LDLRAD2: variants seen among roughly 807,000 people sequenced by gnomAD.
The protein encoded by LDLRAD2 is low-density lipoprotein receptor class A domain-containing protein 2.
In LDLRAD2, 25 loss-of-function variants were observed where a neutral mutation model predicts 24.9. The ratio of observed to expected loss-of-function variants is 1.00; its 90% CI spans 0.73 to 1.40. LDLRAD2 has a LOEUF of 1.40. Among genes scored for constraint, LDLRAD2 ranks in the 40% most tolerant of loss-of-function variants. The pLI is 0.00. For missense variants in LDLRAD2, 391 were observed against 366.2 expected, an observed-to-expected ratio of 1.07 and a Z score of -0.55; for synonymous variants, 182 against 166.7, an observed-to-expected ratio of 1.09 and a Z score of -0.71.
chr1:21,823,987 G>A lies in LDLRAD2; in HGVS notation c.*1772G>A. ...GATGGAAGCCCGAGCCCTGGCTGGTGGGTTCTCCCCTCCCCTGGCTTCAAG... is the reference window on the plus strand; with the variant it reads ...GATGGAAGCCCGAGCCCTGGCTGGTAGGTTCTCCCCTCCCCTGGCTTCAAG... On this transcript the variant is annotated 3_prime_UTR_variant, in exon 5 of 5. Coordinates refer to ENST00000344642, the MANE Select transcript of LDLRAD2 (RefSeq NM_001013693.3). The A allele has an allele frequency of 1.1e-6, 1 of 938,486 alleles. No individual in the cohort carries two copies. Among genetic ancestry groups the A allele is most frequent in the Non-Finnish European group, 1.7e-6 (1 of 598,216 alleles). The allele number at this position is 938,486 out of a possible 1,614,324, so 58.1% of individuals were successfully genotyped here.
intron 3 of LDLRAD2, among the ~76,000 whole-genome samples, chr1:21,817,374 A>G (rs1214679068): frequency 6.6e-6 from 1 of 152,036 alleles, no homozygotes; most frequent in East Asian, 1.9e-4. Flanking sequence ...ATAGGTTCTC[A>G]TTCTGTTATC....
chr1:21,822,169 G>A, intron 4 of LDLRAD2, 33 bp from the exon 5 acceptor site: 1 of 1,614,096 alleles, frequency 6.2e-7, no homozygotes, highest in Non-Finnish European at 8.5e-7. Context: ...TTCACCCCCA[G>A]ATCTCACCTG....
chr1:21,824,808 C>T lies in LDLRAD2; in HGVS notation c.*2593C>T, dbSNP rs781324568. The T allele has an allele frequency of 1.9e-6, 3 of 1,587,998 alleles. No individual in the cohort carries two copies. The highest frequency in any genetic ancestry group is 2.3e-5 in the East Asian group (1 of 44,088). ...TGGGAGAGAGGAGGGTGGTGCCATA[C>T]CTGCTGCATCAGGCATCAAAATCCC... On this transcript the variant is annotated 3_prime_UTR_variant, in exon 5 of 5. Transcript: ENST00000344642. The surrounding 1 kb of genome is among the most constrained non-coding windows in gnomAD (Gnocchi z 5.9).
Position 21,823,841 on chromosome 1 carries a change from G to T in LDLRAD2, c.*1626G>T. The T allele has an allele frequency of 1.2e-6, 1 of 822,942 alleles. No individual in the cohort carries two copies. The highest frequency in any genetic ancestry group is 2.0e-6 in the Non-Finnish European group (1 of 492,800). 51.0% of individuals were successfully genotyped at this position (822,942 alleles called of 1,614,324 possible). On this transcript the variant is annotated 3_prime_UTR_variant, in exon 5 of 5. Coordinates refer to ENST00000344642, the MANE Select transcript of LDLRAD2 (RefSeq NM_001013693.3). ...TCAGAAGTCTGTCCCTGTTTCCCAA[G>T]CTCTTTCTTTCCCCCGCTGAACGAG...
Position 21,824,326 on chromosome 1 carries a change from T to C in LDLRAD2, c.*2111T>C. ...CCTACCTGAAGACAAGGTGCCCGTC[T>C]TGAAGCCCGAGGCTGATGAAGTCCT... On this transcript the variant is annotated 3_prime_UTR_variant, in exon 5 of 5. Coordinates refer to ENST00000344642, the MANE Select transcript of LDLRAD2 (RefSeq NM_001013693.3). This position sits in a 1 kb window ranked among gnomAD's most constrained non-coding sequence, Gnocchi z 5.9. The C allele has an allele frequency of 6.2e-7, 1 of 1,613,944 alleles. No homozygotes were observed. Among genetic ancestry groups the C allele is most frequent in the Non-Finnish European group, 8.5e-7 (1 of 1,180,024 alleles).
At position 21,821,491 on chromosome 1, in the gene LDLRAD2, C is replaced by T; in HGVS notation, c.685C>T (p.His229Tyr). 6.2e-7 allele frequency: 1 copy of T among 1,614,150 alleles called. No individual in the cohort carries two copies. The highest frequency in any genetic ancestry group is 8.5e-7 in the Non-Finnish European group (1 of 1,179,998). The stretch of plus-strand genomic sequence containing the variant: ...CAGCCAGACAGGAAGTACAGATGCC[C>T]ATACCTCCAGATCCCTGACTCCCTC... Reference protein sequence around the residue: ...VPSQTGSTDAHTSRSLTPSPA... With the variant: ...VPSQTGSTDAYTSRSLTPSPA... Residue 229 changes from histidine (H) to tyrosine (Y), a missense_variant, in exon 4 of 5, where the codon CAT (histidine) becomes TAT (tyrosine). Transcript: ENST00000344642.
rs761215447 is a variant in LDLRAD2, at chr1:21,816,022, C to A, written c.591C>A (p.Asp197Glu). The change falls in exon 3 of 5, where the codon GAC becomes GAA. Residue 197 changes from aspartate (D) to glutamate (E), a missense_variant. Asp to Glu is a conservative substitution (Grantham distance 45, BLOSUM62 2). Coordinates refer to ENST00000344642, the MANE Select transcript of LDLRAD2 (RefSeq NM_001013693.3). ...TCGTGTGTGACCCCTGGGGCATGGA[C>A]AACTGTGGCGATGGCAGTGACCAGG... Reference protein sequence around the residue: ...SSLVCDPWGMDNCGDGSDQGS... With the variant: ...SSLVCDPWGMENCGDGSDQGS... 2 of 1,613,842 alleles carry A rather than the reference C, an allele frequency of 1.2e-6. No homozygotes were observed. Among genetic ancestry groups the A allele is most frequent in the Admixed American group, 1.7e-5 (1 of 60,030 alleles).
At chr1:21,814,861 A>C in intron 2 of LDLRAD2, 38 bp downstream of exon 2, 1 of 1,451,138 alleles carries the variant, frequency 6.9e-7, no homozygotes, top group South Asian at 1.5e-5. Context: ...GACCCTCTGC[A>C]GAGGCCATGC....
chr1:21,812,585 A>G, intron 1 of LDLRAD2, 49 bp downstream of exon 1: 1 of 1,475,268 alleles, frequency 6.8e-7, no homozygotes, highest in Non-Finnish European at 9.5e-7. Flanking sequence ...TTGGGCCCCC[A>G]CCATCCTTAG....
At position 21,821,512 on chromosome 1, in the gene LDLRAD2, C is replaced by T. The variant is rs1557657911; in HGVS notation, c.706C>T (p.Pro236Ser). 1 of 1,614,116 alleles carries T rather than the reference C, an allele frequency of 6.2e-7. No individual in the cohort carries two copies. Among genetic ancestry groups the T allele is most frequent in the Non-Finnish European group, 8.5e-7 (1 of 1,179,998 alleles). Reference protein sequence around the residue: ...TDAHTSRSLTPSPALGSAGSL... With the variant: ...TDAHTSRSLTSSPALGSAGSL... ...TGCCCATACCTCCAGATCCCTGACTCCCTCCCCAGCTCTCGGGTCTGCAGG... is the reference window on the plus strand; with the variant it reads ...TGCCCATACCTCCAGATCCCTGACTTCCTCCCCAGCTCTCGGGTCTGCAGG... Residue 236 changes from proline to serine, a missense_variant, in exon 4 of 5, where the codon CCC becomes TCC. Transcript: ENST00000344642.
In LDLRAD2 at chr1:21,823,859, T is replaced by C; in HGVS notation, c.*1644T>C. On this transcript the variant is annotated 3_prime_UTR_variant, in exon 5 of 5. Coordinates refer to ENST00000344642, the MANE Select transcript of LDLRAD2 (RefSeq NM_001013693.3). Reference sequence around the variant, plus strand: ...TTCCCAAGCTCTTTCTTTCCCCCGCTGAACGAGAGATCGGGCCCCACAAAC... The same window carrying C: ...TTCCCAAGCTCTTTCTTTCCCCCGCCGAACGAGAGATCGGGCCCCACAAAC... The C allele has an allele frequency of 1.3e-6, 1 of 779,372 alleles. No individual in the cohort carries two copies. Among genetic ancestry groups the C allele is most frequent in the Non-Finnish European group, 2.2e-6 (1 of 458,588 alleles). 48.3% of individuals were successfully genotyped at this position (779,372 alleles called of 1,614,324 possible). A position where few individuals can be genotyped will look rare whatever the true frequency, so the allele number is the denominator to read the frequency against.
chr1:21,824,593 T>C lies in LDLRAD2; in HGVS notation c.*2378T>C, dbSNP rs771043879. 8.1e-6 allele frequency: 13 copies of C among 1,613,908 alleles called. No individual in the cohort carries two copies. Among genetic ancestry groups the C allele is most frequent in the Non-Finnish European group, 1.1e-5 (13 of 1,180,044 alleles). ...GTGCTGGTCCGAACCTCCAGCTCGA[T>C]GGTCTCGGGCACCTCGGGCAGGCTG... On this transcript the variant is annotated 3_prime_UTR_variant, in exon 5 of 5. Coordinates refer to ENST00000344642, the MANE Select transcript of LDLRAD2 (RefSeq NM_001013693.3). This position sits in a 1 kb window ranked among gnomAD's most constrained non-coding sequence, Gnocchi z 5.9.
intron 2 of LDLRAD2, 56 bp from the exon 3 acceptor site, chr1:21,815,887 G>C: frequency 3.1e-6 from 5 of 1,600,014 alleles, no homozygotes; most frequent in Non-Finnish European, 4.3e-6. Context: ...CACACATCCT[G>C]CTGTGTCGTG....
chr1:21,821,904 T>C (rs1460336279), intron 4 of LDLRAD2: 2 of 1,413,954 alleles, frequency 1.4e-6, no homozygotes, highest in Non-Finnish European at 1.8e-6. Flanking sequence ...CCCAGCCAGG[T>C]CTCCCCAGGG....
At chr1:21,821,217 C>A (rs565564375) in intron 3 of LDLRAD2, among the ~76,000 whole-genome samples, 23 of 152,250 alleles carry the variant, frequency 1.5e-4, no homozygotes, top group Middle Eastern at 3.4e-3. Flanking sequence ...ACATGTACAC[C>A]CTCTTCCTTG....
intron 2 of LDLRAD2, among the ~76,000 whole-genome samples, chr1:21,815,418 C>T (rs1430531074): frequency 1.3e-5 from 2 of 152,186 alleles, no homozygotes; most frequent in African/African-American, 2.4e-5. Flanking sequence ...GCTTAGGACT[C>T]GCCAGGCCTG....
At chr1:21,816,397 C>T (rs958678216) in intron 3 of LDLRAD2, among the ~76,000 whole-genome samples, 1 of 152,236 alleles carries the variant, frequency 6.6e-6, no homozygotes, top group Admixed American at 6.5e-5. Flanking sequence ...TGCCTGATGT[C>T]TCTCTGAGGG....
intron 2 of LDLRAD2, among the ~76,000 whole-genome samples, chr1:21,815,575 C>T (rs1160782892): frequency 6.6e-6 from 1 of 152,166 alleles, no homozygotes; most frequent in African/African-American, 2.4e-5. Flanking sequence ...CTCAGGAATT[C>T]AAGACCAGCC....
chr1:21,822,055 GC>G lies in LDLRAD2; in HGVS notation c.806-142del. 5.4e-6 allele frequency: 8 copies of G among 1,491,056 alleles called. No individual in the cohort carries two copies. In the South Asian group the frequency reaches 1.0e-4, roughly 19 times the overall value. 92.4% of individuals were successfully genotyped at this position (1,491,056 alleles called of 1,614,324 possible). A position where few individuals can be genotyped will look rare whatever the true frequency, so the allele number is the denominator to read the frequency against. ...TGGCTCTCTGTCTGATGTTGGACAG[GC>G]CCCCTAACCCTCTGAGACTCAGCTG... On this transcript the variant is annotated intron_variant, in intron 4 of 4. Coordinates refer to ENST00000344642, the MANE Select transcript of LDLRAD2 (RefSeq NM_001013693.3).
Sources: allele counts gnomAD v4.1 joint callset (sites outside exome capture counted in the v4.1 genomes callset), GRCh38; gene constraint gnomAD v4.1.1; non-coding constraint Gnocchi (gnomAD v3.1); transcripts MANE v1.5; gene names NCBI Gene and HGNC (gene_info 2026-07-23, HGNC 2026-07-21).